Variants in SNTB1 observed in about 807,000 individuals in gnomAD.
The protein encoded by SNTB1 is beta-1-syntrophin.
SNTB1 carries 36 observed loss-of-function variants against 48.9 expected under a neutral mutation model. The observed-to-expected ratio is 0.74, with a 90% CI of 0.56 to 0.97. SNTB1 has a LOEUF of 0.97. Among genes scored for constraint, SNTB1 ranks in the 50% least tolerant of loss-of-function variants. The pLI is 0.00. For synonymous variants in SNTB1, 299 were observed against 294.6 expected, an observed-to-expected ratio of 1.01 and a Z score of -0.15; for missense variants, 786 against 703.4, an observed-to-expected ratio of 1.12 and a Z score of -1.33.
Position 120,550,923 on chromosome 8 carries a change from T to G in SNTB1, c.1137-1965A>C, listed in dbSNP as rs147508687. 3.5e-4 allele frequency among the ~76,000 whole-genome samples: 53 copies of G among 152,338 alleles called. 1 individual carries two copies. Among genetic ancestry groups the G allele is most frequent in the African/African-American group, 1.2e-3 (50 of 41,578 alleles). ...AAGTGTTTGTGTTTCAAAAAAAAGT[T>G]TTTAGACTTGAAAGTGTTTAAGCTT... On this transcript the variant is annotated intron_variant, in intron 4 of 6. Transcript: ENST00000517992.
chr8:120,641,002 T>G (rs1817184989), intron 2 of SNTB1, among the ~76,000 whole-genome samples: 1 of 152,214 alleles, frequency 6.6e-6, no homozygotes, highest in South Asian at 2.1e-4. Flanking sequence ...ATCCATCTGG[T>G]CCTGGACTTT....
At chr8:120,761,791 G>A (rs910331860) in intron 1 of SNTB1, among the ~76,000 whole-genome samples, 7 of 152,120 alleles carry the variant, frequency 4.6e-5, no homozygotes, top group African/African-American at 1.4e-4. Context: ...CAAGTTCTAC[G>A]ATTATAACAT....
intron 1 of SNTB1, among the ~76,000 whole-genome samples, chr8:120,736,858 G>T (rs1818951570): frequency 6.6e-6 from 1 of 152,122 alleles, no homozygotes; most frequent in Non-Finnish European, 1.5e-5. Context: ...AATCACACCT[G>T]GGGGAGGTAT....
At chr8:120,649,174 G>A (rs888349297) in intron 2 of SNTB1, among the ~76,000 whole-genome samples, 6 of 151,012 alleles carry the variant, frequency 4.0e-5, no homozygotes, top group African/African-American at 9.7e-5. Context: ...GCTCGTCAAA[G>A]TCATTCTCCA....
chr8:120,806,423 G>C (rs1194853143), intron 1 of SNTB1, among the ~76,000 whole-genome samples: 1 of 152,212 alleles, frequency 6.6e-6, no homozygotes, highest in Non-Finnish European at 1.5e-5. Flanking sequence ...CTTTCATTAT[G>C]ACCTCTGATG....
chr8:120,604,367 T>TG (rs1437790322), intron 3 of SNTB1, among the ~76,000 whole-genome samples: 1 of 152,156 alleles, frequency 6.6e-6, no homozygotes, highest in Non-Finnish European at 1.5e-5. Context: ...GGTCCACTCT[T>TG]GCAGCCTTTC....
chr8:120,562,526 C>G (rs577049759), intron 4 of SNTB1, among the ~76,000 whole-genome samples: 44 of 152,164 alleles, frequency 2.9e-4, no homozygotes, highest in Middle Eastern at 3.4e-3. Flanking sequence ...GAAGGCAAAC[C>G]CCACACTTTT....
chr8:120,811,678 C>A lies in SNTB1; in HGVS notation c.166G>T (p.Ala56Ser). 6.3e-7 allele frequency: 1 copy of A among 1,590,610 alleles called. No homozygotes were observed. The highest frequency in any genetic ancestry group is 1.1e-5 in the South Asian group (1 of 88,786). The change falls in exon 1 of 7, where the codon GCG (alanine) becomes TCG (serine). Residue 56 changes from alanine (A) to serine (S), a missense_variant. Transcript: ENST00000517992. ...GTGGCGGTCCCGATGCCGTTGTACG[C>A]CGCAGCGCCCTCCTCGCTGCTCAGA... ...LVLSSEEGAA[A>S]YNGIGTATNG...
intron 1 of SNTB1, among the ~76,000 whole-genome samples, chr8:120,807,114 A>G (rs1482086088): frequency 2.6e-5 from 4 of 152,226 alleles, no homozygotes; most frequent in Non-Finnish European, 5.9e-5. Flanking sequence ...CTTTGGGATC[A>G]AAGGATTATT....
intron 3 of SNTB1, among the ~76,000 whole-genome samples, chr8:120,623,025 G>T (rs919221655): frequency 6.6e-6 from 1 of 152,154 alleles, no homozygotes; most frequent in Admixed American, 6.5e-5. Flanking sequence ...AGAACTCTGT[G>T]CTGCTATTCC....
intron 5 of SNTB1, among the ~76,000 whole-genome samples, chr8:120,547,535 C>T (rs903754393): frequency 5.6e-5 from 8 of 143,674 alleles, no homozygotes; most frequent in Non-Finnish European, 9.0e-5. Flanking sequence ...AGATGGAGGT[C>T]GCAGTGAGAT....
intron 1 of SNTB1, among the ~76,000 whole-genome samples, chr8:120,790,419 T>C (rs1468800329): frequency 6.6e-6 from 1 of 151,804 alleles, no homozygotes; most frequent in Non-Finnish European, 1.5e-5. Context: ...ATAAAGGGCG[T>C]CCAAATTGGA....
chr8:120,689,070 A>T (rs1415247053), intron 2 of SNTB1, among the ~76,000 whole-genome samples: 2 of 152,210 alleles, frequency 1.3e-5, no homozygotes, highest in Non-Finnish European at 1.5e-5. Flanking sequence ...TATTGTAATT[A>T]CTGACAGCCA....
chr8:120,768,901 A>G (rs1287240932), intron 1 of SNTB1: 1 of 152,250 alleles, frequency 6.6e-6, no homozygotes, highest in African/African-American at 2.4e-5. Context: ...CAAGACTGAA[A>G]GAAAATTCAG....
chr8:120,677,063 C>CAA (rs11398062), intron 2 of SNTB1, among the ~76,000 whole-genome samples: 1,838 of 129,646 alleles, frequency 0.014, 16 homozygotes, highest in African/African-American at 0.022. Context: ...GACCCTATCT[C>CAA]AAAAAAAAAA....
chr8:120,658,353 G>A (rs1051452152), intron 2 of SNTB1, among the ~76,000 whole-genome samples: 2 of 152,178 alleles, frequency 1.3e-5, no homozygotes, highest in African/African-American at 4.8e-5. Flanking sequence ...AAAGGGACTA[G>A]AGAGTAGCCA....
chr8:120,788,946 C>T (rs1819973990), intron 1 of SNTB1, among the ~76,000 whole-genome samples: 1 of 152,008 alleles, frequency 6.6e-6, no homozygotes, highest in Non-Finnish European at 1.5e-5. Flanking sequence ...ACACATTCTT[C>T]TCATCAGCAC....
chr8:120,551,713 G>A (rs1178821568), intron 4 of SNTB1, among the ~76,000 whole-genome samples: 1 of 123,956 alleles, frequency 8.1e-6, no homozygotes, highest in African/African-American at 3.2e-5. Flanking sequence ...GCGACAGAGT[G>A]AGACTCCATC....
At chr8:120,565,420 C>T (rs892591213) in intron 4 of SNTB1, among the ~76,000 whole-genome samples, 38 of 152,080 alleles carry the variant, frequency 2.5e-4, no homozygotes, top group Non-Finnish European at 8.8e-5. Flanking sequence ...ACAAAACTCG[C>T]CCAAGGCTCC....
Sources: gnomAD v4.1 joint callset for allele counts (sites outside exome capture counted in the v4.1 genomes callset) on GRCh38, gnomAD v4.1.1 for gene constraint, MANE v1.5 for transcripts, NCBI Gene and HGNC (gene_info 2026-07-23, HGNC 2026-07-21) for gene names.